The following ING5 variants were observed in gnomAD, a reference collection of about 807,000 sequenced individuals.
The protein encoded by ING5 is inhibitor of growth family member 5, also known as inhibitor of growth protein 5.
Under a neutral mutation model 37.4 loss-of-function variants are expected in ING5, and 17 were observed. The observed-to-expected ratio is 0.45, with a 90% CI of 0.31 to 0.68. The LOEUF (loss-of-function observed/expected upper bound fraction) is 0.68. ING5 is among the 30% of genes least tolerant of loss of function. The pLI, the probability that ING5 is intolerant of heterozygous loss-of-function variation, is 0.05. For synonymous variants in ING5, 123 were observed against 116.6 expected (o/e 1.06, Z -0.36); for missense variants, 233 against 311.9 (o/e 0.75, Z 1.91).
upstream of ING5, among the ~76,000 whole-genome samples, chr2:241,699,047 A>G (rs923604357): frequency 0.017 from 1,923 of 115,920 alleles, 11 homozygotes; most frequent in African/African-American, 0.054. Context: ...TTGGGGGGGG[A>G]GGGGTTTGCT....
rs375308237 is a variant in ING5, at chr2:241,711,470, G to A, written c.370G>A (p.Gly124Arg). 32 of 1,603,512 alleles carry A rather than the reference G, an allele frequency of 2.0e-5. No individual in the cohort carries two copies. Among genetic ancestry groups the A allele is most frequent in the South Asian group, 1.2e-4 (11 of 89,378 alleles). Residue 124 changes from glycine to arginine, a missense_variant, in exon 4 of 8, where the codon GGA (glycine) becomes AGA (arginine). Coordinates refer to ENST00000313552, the MANE Select transcript of ING5 (RefSeq NM_032329.6). ...KMEGSDFESS[G>R]GRGLKKGRGQ... ...GGAGGGCAGTGATTTTGAAAGCTCCGGAGGGCGAGGGTTAAAAAGCAAGTC... is the reference window on the plus strand; with the variant it reads ...GGAGGGCAGTGATTTTGAAAGCTCCAGAGGGCGAGGGTTAAAAAGCAAGTC...
At position 241,726,452 on chromosome 2, in the gene ING5, A is replaced by G. The variant is rs1691625473; in HGVS notation, c.*1421A>G. On this transcript the variant is annotated 3_prime_UTR_variant, in exon 8 of 8. Transcript: ENST00000313552. ...GGGGCCCTCCCGTCGAGAAGCTGGT[A>G]GTCAGTGAGTGAGAACAAGAGAACA... 1 of 152,282 alleles carries G rather than the reference A, an allele frequency of 6.6e-6. No individual in the cohort carries two copies. Among genetic ancestry groups the G allele is most frequent in the Admixed American group, 6.5e-5 (1 of 15,284 alleles). 9.4% of individuals were successfully genotyped at this position (152,282 alleles called of 1,614,324 possible).
At chr2:241,687,627 A>G (rs2069462175) in exon 1 of ING5, 1 of 298,188 alleles carries the variant, frequency 3.4e-6, no homozygotes. Context: ...TCCCGGGTTC[A>G]AGCGATTCTC....
chr2:241,723,134 C>T (rs901057029), intron 6 of ING5, 60 bp downstream of exon 6: 12 of 1,613,484 alleles, frequency 7.4e-6, no homozygotes, highest in East Asian at 4.5e-5. Context: ...GCAGGGCTGG[C>T]GGATGTTGGC....
chr2:241,711,773 C>A, intron 4 of ING5: 1 of 599,728 alleles, frequency 1.7e-6, no homozygotes, highest in Non-Finnish European at 3.0e-6. Context: ...TGGTGGTGCA[C>A]ACCTGTGGTC....
At chr2:241,717,367 G>A (rs1458386368) in intron 5 of ING5, among the ~76,000 whole-genome samples, 1 of 152,026 alleles carries the variant, frequency 6.6e-6, no homozygotes, top group African/African-American at 2.4e-5. Flanking sequence ...CACCGCGCCT[G>A]GCCCAACTAT....
chr2:241,687,535 T>TTG (rs2069459289), exon 1 of ING5: 1 of 355,354 alleles, frequency 2.8e-6, no homozygotes, highest in Admixed American at 5.6e-5. Flanking sequence ...TTTTGTTGTT[T>TTG]TTGTTTGTTT....
exon 2 of ING5, chr2:241,690,277 T>C (rs1470356365): frequency 4.2e-6 from 1 of 240,646 alleles, no homozygotes. Context: ...CAGCATGGTG[T>C]ACCTCTCTTA....
At chr2:241,699,903 G>A (rs2069687015), upstream of ING5, among the ~76,000 whole-genome samples, 1 of 152,178 alleles carries the variant, frequency 6.6e-6, no homozygotes, top group Admixed American at 6.6e-5. Context: ...ATGGGTACTG[G>A]TGAGCACTGC....
intron 2 of ING5, 146 bp from the exon 3 acceptor site, chr2:241,709,070 C>T: frequency 2.4e-6 from 2 of 835,854 alleles, no homozygotes; most frequent in Non-Finnish European, 3.9e-6. Context: ...GTTCTGCCCA[C>T]TTGCGCTCCC....
chr2:241,709,996 G>C (rs1242060184), intron 3 of ING5, among the ~76,000 whole-genome samples: 15 of 151,716 alleles, frequency 9.9e-5, no homozygotes, highest in Admixed American at 8.5e-4. Flanking sequence ...AGGCTGGAGT[G>C]CAGTGGTGTG....
At chr2:241,706,470 A>C (rs915081771) in intron 2 of ING5, among the ~76,000 whole-genome samples, 4 of 151,896 alleles carry the variant, frequency 2.6e-5, no homozygotes, top group African/African-American at 9.7e-5. Context: ...TCTCTACTAA[A>C]AATACAAAAT....
At chr2:241,722,078 G>A in intron 5 of ING5, 1 of 985,392 alleles carries the variant, frequency 1.0e-6, no homozygotes, top group East Asian at 1.1e-4. Flanking sequence ...AGTCAGTATT[G>A]GGGCAGAGGT....
chr2:241,691,657 C>G (rs1330242329), intron 2 of ING5, among the ~76,000 whole-genome samples: 1 of 152,138 alleles, frequency 6.6e-6, no homozygotes, highest in African/African-American at 2.4e-5. Context: ...AGATTGCTGC[C>G]TGGTACGGGC....
rs538749010 is a variant in ING5, at chr2:241,707,508, T to C, written c.110-1708T>C. ...GGTTTCTCCATGTTGGTCAGGCTGGTCTTGAACTCCTGACCTCAGGTTCAT... is the reference window on the plus strand; with the variant it reads ...GGTTTCTCCATGTTGGTCAGGCTGGCCTTGAACTCCTGACCTCAGGTTCAT... On this transcript the variant is annotated intron_variant, in intron 2 of 7. Transcript: ENST00000313552. Among the ~76,000 whole-genome samples, 31 of 151,230 alleles carry C rather than the reference T, an allele frequency of 2.0e-4. No homozygotes were observed. In the South Asian group the frequency reaches 4.2e-3, roughly 20 times the overall value.
At chr2:241,712,179 C>A in intron 5 of ING5, 108 bp downstream of exon 5, 2 of 894,672 alleles carry the variant, frequency 2.2e-6, no homozygotes, top group Non-Finnish European at 3.4e-6. Context: ...ACCCCGTGTG[C>A]CGGGTGGTAT....
chr2:241,724,718 C>T (rs1340631660), intron 7 of ING5: 2 of 524,250 alleles, frequency 3.8e-6, no homozygotes, highest in Non-Finnish European at 6.8e-6. Context: ...GGAAGAAGGA[C>T]CCACCTGTTA....
chr2:241,712,630 A>T (rs945182451), intron 5 of ING5, among the ~76,000 whole-genome samples: 1 of 152,182 alleles, frequency 6.6e-6, no homozygotes, highest in Admixed American at 6.6e-5. Flanking sequence ...ATACCCTCCA[A>T]AGAGATCGTA....
At chr2:241,722,305 C>T (rs2070453261) in intron 5 of ING5, 1 of 985,332 alleles carries the variant, frequency 1.0e-6, no homozygotes, top group Non-Finnish European at 1.2e-6. Flanking sequence ...GAGGGATGGC[C>T]CAGAAGTGGG....
Sources: allele counts gnomAD v4.1 joint callset (sites outside exome capture counted in the v4.1 genomes callset), GRCh38; gene constraint gnomAD v4.1.1; transcripts MANE v1.5; gene names NCBI Gene and HGNC (gene_info 2026-07-23, HGNC 2026-07-21).